The following GLB1 variants were observed in gnomAD, a reference collection of about 807,000 sequenced individuals.
GLB1 encodes the protein beta-galactosidase.
Under a neutral mutation model 74.0 loss-of-function variants are expected in GLB1, and 56 were observed. The observed-to-expected ratio is 0.76, with a 90% confidence interval of 0.61 to 0.94. The LOEUF is 0.94. Ranked by LOEUF, GLB1 falls within the 40% of genes least tolerant of loss-of-function variation. The pLI is 0.00. For missense variants in GLB1, 787 were observed against 845.5 expected (o/e 0.93, Z 0.86); for synonymous variants, 323 against 323.6 (o/e 1.00, Z 0.02).
At chr3:33,001,212 TTCTCTCTTC>T (rs1339968172) in intron 15 of GLB1, among the ~76,000 whole-genome samples, 2 of 147,210 alleles carry the variant, frequency 1.4e-5, no homozygotes, top group African/African-American at 2.5e-5. Flanking sequence ...CCTTCCTGTC[TTCTCTCTTC>T]TCTCTCTCTC....
rs778530428 is a variant in GLB1 at position 33,018,448 on chromosome 3, C to A, written c.1347G>T (p.Gly449=). 1.2e-6 allele frequency: 2 copies of A among 1,613,998 alleles called. No homozygotes were observed. The part of the protein sequence containing the change: ...VHDRAYVAVD[G]IPQGVLERNN... ...CGCACAGTTCAGAGACGATTCTTAC[C>A]CCATCCACAGCAACATATGCTCGAT... The change falls in exon 13 of 16, where the codon GGG becomes GGT. Residue 449 remains glycine, a splice_region_variant and synonymous_variant. Coordinates refer to ENST00000307363, the MANE Select transcript of GLB1 (RefSeq NM_000404.4).
At chr3:32,975,653 G>C in the GLB1 span, among the ~76,000 whole-genome samples, 2 of 152,156 alleles carry the variant, frequency 1.3e-5, no homozygotes, top group Non-Finnish European at 2.9e-5. Flanking sequence ...CAAACAAATA[G>C]AAAATCTCTC....
At chr3:33,041,057 G>T (rs770195005) in intron 10 of GLB1, among the ~76,000 whole-genome samples, 15 of 152,066 alleles carry the variant, frequency 9.9e-5, no homozygotes, top group African/African-American at 1.4e-4. Flanking sequence ...GAATCAGAAG[G>T]TCTAACAAAT....
chr3:32,987,397 G>A, the GLB1 span, among the ~76,000 whole-genome samples: 5 of 152,176 alleles, frequency 3.3e-5, no homozygotes, highest in African/African-American at 1.2e-4. Context: ...TAGTCTCCTT[G>A]CTTACCTTTA....
intron 15 of GLB1, among the ~76,000 whole-genome samples, chr3:33,011,049 G>A (rs891561681): frequency 1.3e-5 from 2 of 152,012 alleles, no homozygotes; most frequent in Non-Finnish European, 2.9e-5. Flanking sequence ...TAGAAATGGG[G>A]TTCTGCCATG....
chr3:33,036,258 G>T (rs1314792277), intron 10 of GLB1, among the ~76,000 whole-genome samples: 1 of 152,142 alleles, frequency 6.6e-6, no homozygotes, highest in Non-Finnish European at 1.5e-5. Context: ...CCCAGCCATC[G>T]ATCAGAAGAG....
intron 10 of GLB1, among the ~76,000 whole-genome samples, chr3:33,043,785 A>AAAATACCAAGCAAAAGATACCTCAG (rs1553609473): frequency 1.5e-5 from 2 of 132,424 alleles, no homozygotes; most frequent in Non-Finnish European, 3.5e-5. Flanking sequence ...GATACCTCAG[A>AAAATACCAAGCAAAAGATACCTCAG]AAAATACCAA....
chr3:32,995,697 G>A (rs192056975), downstream of GLB1, among the ~76,000 whole-genome samples: 15 of 151,524 alleles, frequency 9.9e-5, no homozygotes, highest in Non-Finnish European at 1.6e-4. Flanking sequence ...CAAAACTACA[G>A]GGCCGGGTGC....
chr3:33,020,200 T>C (rs1697410409), intron 12 of GLB1, among the ~76,000 whole-genome samples: 1 of 152,188 alleles, frequency 6.6e-6, no homozygotes, highest in Non-Finnish European at 1.5e-5. Flanking sequence ...GTGGGGGGAC[T>C]TAATTATTCA....
intron 10 of GLB1, among the ~76,000 whole-genome samples, chr3:33,041,003 A>C (rs1247579543): frequency 6.6e-6 from 1 of 152,228 alleles, no homozygotes; most frequent in Non-Finnish European, 1.5e-5. Context: ...CAAGACAATC[A>C]GAATGCTGCA....
At chr3:33,083,330 G>A (rs1291370141) in intron 1 of GLB1, among the ~76,000 whole-genome samples, 1 of 150,744 alleles carries the variant, frequency 6.6e-6, no homozygotes, top group African/African-American at 2.4e-5. Context: ...CTGGGAGGCA[G>A]AGGTTGCAGT....
chr3:33,081,615 C>T (rs1367905047), intron 1 of GLB1, among the ~76,000 whole-genome samples: 1 of 152,208 alleles, frequency 6.6e-6, no homozygotes, highest in Non-Finnish European at 1.5e-5. Context: ...CCCAGTGGGG[C>T]CATCCTCTGC....
chr3:33,020,560 C>T (rs1029633317), intron 12 of GLB1, among the ~76,000 whole-genome samples: 1 of 152,148 alleles, frequency 6.6e-6, no homozygotes, highest in African/African-American at 2.4e-5. Context: ...TCTACAAACA[C>T]CCCGACCTTT....
chr3:33,096,580 T>C (rs1459508075), intron 1 of GLB1: 5 of 1,028,404 alleles, frequency 4.9e-6, no homozygotes, highest in African/African-American at 1.7e-5. Context: ...CCTGACCCCA[T>C]TTTTCTCCTT....
At chr3:33,091,541 A>C in intron 1 of GLB1, 3 of 985,494 alleles carry the variant, frequency 3.0e-6, no homozygotes, top group South Asian at 9.4e-5. Flanking sequence ...GGAACGTTGA[A>C]AAATTAACAT....
chr3:33,083,501 T>A (rs1419257549), intron 1 of GLB1, among the ~76,000 whole-genome samples: 1 of 146,860 alleles, frequency 6.8e-6, no homozygotes, highest in Non-Finnish European at 1.5e-5. Flanking sequence ...CAAATGCAAA[T>A]AATGCAAGAT....
chr3:32,968,024 C>T, the GLB1 span, among the ~76,000 whole-genome samples: 1 of 152,148 alleles, frequency 6.6e-6, no homozygotes, highest in African/African-American at 2.4e-5. Flanking sequence ...GCAGGAGTGG[C>T]TTTTCAATTT....
intron 1 of GLB1, 27 bp downstream of exon 1, chr3:33,096,984 C>G (rs1417610789): frequency 1.9e-5 from 31 of 1,609,348 alleles, no homozygotes; most frequent in African/African-American, 2.7e-5. Context: ...AGCAATGCCT[C>G]CCCGTACCCG....
chr3:32,983,757 C>A, the GLB1 span, among the ~76,000 whole-genome samples: 2 of 152,290 alleles, frequency 1.3e-5, no homozygotes, highest in South Asian at 4.1e-4. Context: ...TGGCTCACTA[C>A]AGCCTTGACC....
Sources: gnomAD v4.1 joint callset for allele counts (sites outside exome capture counted in the v4.1 genomes callset) on GRCh38, gnomAD v4.1.1 for gene constraint, MANE v1.5 for transcripts, NCBI Gene and HGNC (gene_info 2026-07-23, HGNC 2026-07-21) for gene names.